CELSR1: variants seen among roughly 807,000 people sequenced by gnomAD.
CELSR1 encodes the protein adhesion G protein-coupled receptor C1.
Under a neutral mutation model 249.1 loss-of-function variants are expected in CELSR1, and 110 were observed. The ratio of observed to expected loss-of-function variants is 0.44; its 90% CI spans 0.38 to 0.52. CELSR1 has a LOEUF of 0.52. CELSR1 is among the 20% of genes least tolerant of loss of function. CELSR1 has a pLI of 0.00. For synonymous variants in CELSR1, 2,113 were observed against 1,900.0 expected, an observed-to-expected ratio of 1.11 and a Z score of -2.92; for missense variants, 4,109 against 4,296.4, an observed-to-expected ratio of 0.96 and a Z score of 1.22.
At chr22:46,522,923 G>A (rs983178428) in intron 1 of CELSR1, among the ~76,000 whole-genome samples, 3 of 152,238 alleles carry the variant, frequency 2.0e-5, no homozygotes, top group Admixed American at 6.5e-5. Context: ...CCTGCTCAGC[G>A]GGCCCATGCC....
Position 46,412,366 on chromosome 22 carries a change from C to T in CELSR1, c.4612-607G>A, listed in dbSNP as rs2079347830. ...CAGCCAACACCCAAGTCCTGGGGCC[C>T]CTCCTGTGAACACCCGCTTCTGCTC... On this transcript the variant is annotated intron_variant, in intron 5 of 34. Transcript: ENST00000674500. The surrounding 1 kb of genome is among the most constrained non-coding windows in gnomAD (Gnocchi z 4.5). Among the ~76,000 whole-genome samples, 1 of 152,150 alleles carries T rather than the reference C, an allele frequency of 6.6e-6. No homozygotes were observed. Among genetic ancestry groups the T allele is most frequent in the Non-Finnish European group, 1.5e-5 (1 of 68,032 alleles).
intron 2 of CELSR1, among the ~76,000 whole-genome samples, chr22:46,459,739 G>A (rs1173655251): frequency 6.6e-6 from 1 of 152,140 alleles, no homozygotes; most frequent in Non-Finnish European, 1.5e-5. Flanking sequence ...TGTCCCTGGG[G>A]GCAAAATCAC....
In CELSR1 at chr22:46,534,876, G is replaced by A. The variant is rs146551285; in HGVS notation, c.2295C>T (p.Ser765=). 3.1e-4 allele frequency: 500 copies of A among 1,612,590 alleles called. 3 individuals are homozygous for A. In the African/African-American group the frequency reaches 5.8e-3, roughly 19 times the overall value. Residue 765 remains serine, a synonymous_variant, in exon 1 of 35, where the codon TCC becomes TCT. Transcript: ENST00000674500. This position sits in a 1 kb window ranked among gnomAD's most constrained non-coding sequence, Gnocchi z 9.7. ...EQQYVLAVTA[S]DGTRSHTAHV... The stretch of plus-strand genomic sequence containing the variant: ...GCGCAGTGTGCGACCGTGTGCCGTC[G>A]GATGCTGTCACCGCCAGCACGTACT...
At position 46,445,138 on chromosome 22, in the gene CELSR1, G is replaced by T. The variant is rs1432010848; in HGVS notation, c.4184-5727C>A. ...TTGAACCCAGGAGGCGGAGTTTGCA[G>T]TGAGCCAAGATCACACCACCATAGT... On this transcript the variant is annotated intron_variant, in intron 2 of 34. Transcript: ENST00000674500. This position sits in a 1 kb window ranked among gnomAD's most constrained non-coding sequence, Gnocchi z 4.4. 1.3e-5 allele frequency among the ~76,000 whole-genome samples: 2 copies of T among 152,050 alleles called. No homozygotes were observed. Among genetic ancestry groups the T allele is most frequent in the Non-Finnish European group, 2.9e-5 (2 of 68,006 alleles).
At position 46,500,819 on chromosome 22, in the gene CELSR1, T is replaced by TGC. The variant is rs1398444658; in HGVS notation, c.3544+32806_3544+32807dup. Reference sequence around the variant, plus strand: ...CCAGCAGCAGGTCAGGCCACTACATTGCGTCTCTCAGGCTCAGAACATCCC... The same window carrying TGC: ...CCAGCAGCAGGTCAGGCCACTACATTGCGCGTCTCTCAGGCTCAGAACATCCC... On this transcript the variant is annotated intron_variant, in intron 1 of 34. Coordinates refer to ENST00000674500, the MANE Select transcript of CELSR1 (RefSeq NM_001378328.1). This position sits in a 1 kb window ranked among gnomAD's most constrained non-coding sequence, Gnocchi z 4.9. 6.6e-6 allele frequency among the ~76,000 whole-genome samples: 1 copy of TGC among 152,074 alleles called. No individual in the cohort carries two copies. The highest frequency in any genetic ancestry group is 1.9e-4 in the East Asian group (1 of 5,194).
At position 46,527,426 on chromosome 22, in the gene CELSR1, G is replaced by A. The variant is rs1479296981; in HGVS notation, c.3544+6201C>T. 3.3e-5 allele frequency among the ~76,000 whole-genome samples: 5 copies of A among 152,114 alleles called. No individual in the cohort carries two copies. The highest frequency in any genetic ancestry group is 6.6e-5 in the Admixed American group (1 of 15,264). ...CTCTCTCGACCCGGGGGATCCATCT[G>A]ACTCCCGGTCTCCCTGCCCATCACA... On this transcript the variant is annotated intron_variant, in intron 1 of 34. Coordinates refer to ENST00000674500, the MANE Select transcript of CELSR1 (RefSeq NM_001378328.1). This position sits in a 1 kb window ranked among gnomAD's most constrained non-coding sequence, Gnocchi z 5.5.
chr22:46,389,196 G>A (rs750486066), intron 18 of CELSR1, 94 bp downstream of exon 18: 37 of 1,340,460 alleles, frequency 2.8e-5, no homozygotes, highest in Admixed American at 1.1e-4. Flanking sequence ...CGTCTTCCAC[G>A]AACTGAGGTA....
At chr22:46,466,945 G>C (rs1440222340) in intron 1 of CELSR1, among the ~76,000 whole-genome samples, 3 of 152,302 alleles carry the variant, frequency 2.0e-5, no homozygotes, top group Non-Finnish European at 4.4e-5. Flanking sequence ...GACGCAGCAA[G>C]AAGGCACTGT....
At chr22:46,378,746 G>T (rs747875287) in intron 22 of CELSR1, 29 bp from the exon 23 acceptor site, 1 of 1,602,194 alleles carries the variant, frequency 6.2e-7, no homozygotes, top group South Asian at 1.1e-5. Flanking sequence ...AGGGGCAGGG[G>T]TAAGACGGTT....
chr22:46,536,318 C>G lies in CELSR1; in HGVS notation c.853G>C (p.Glu285Gln). 1 of 1,612,862 alleles carries G rather than the reference C, an allele frequency of 6.2e-7. No homozygotes were observed. Among genetic ancestry groups the G allele is most frequent in the South Asian group, 1.1e-5 (1 of 91,088 alleles). Residue 285 changes from glutamate to glutamine, a missense_variant, in exon 1 of 35, where the codon GAG becomes CAG. Physicochemically the swap from Glu to Gln is conservative, Grantham distance 29 (BLOSUM62 2). Coordinates refer to ENST00000674500, the MANE Select transcript of CELSR1 (RefSeq NM_001378328.1). ...CGGGAGCGCTCGTCGAACAGCCCCT[C>G]CATGTAATAGCTCACGCGCTCCTCC... ...GEEERVSYYM[E>Q]GLFDERSRGY...
chr22:46,528,008 G>T (rs1191316463), intron 1 of CELSR1, among the ~76,000 whole-genome samples: 2 of 150,882 alleles, frequency 1.3e-5, no homozygotes, highest in Non-Finnish European at 2.9e-5. Context: ...GGCAGCTGAG[G>T]CAGGAGAATC....
At chr22:46,520,394 G>A (rs1167529549) in intron 1 of CELSR1, among the ~76,000 whole-genome samples, 1 of 140,366 alleles carries the variant, frequency 7.1e-6, no homozygotes, top group Non-Finnish European at 1.6e-5. Context: ...GTCTGCAACA[G>A]TTTGCATTAG....
chr22:46,388,781 C>T lies in CELSR1; in HGVS notation c.6555+509G>A, dbSNP rs149555014. Among the ~76,000 whole-genome samples, 368 of 152,360 alleles carry T rather than the reference C, an allele frequency of 2.4e-3. 1 individual carries two copies. Among genetic ancestry groups the T allele is most frequent in the African/African-American group, 8.4e-3 (350 of 41,580 alleles). On this transcript the variant is annotated intron_variant, in intron 18 of 34. Transcript: ENST00000674500. ...CTCAGGGGATGACAACTTCCACACA[C>T]ACAGCCAGAGGGTTGAGGCGGAGGT... is the stretch of plus-strand genomic sequence containing the variant.
intron 5 of CELSR1, among the ~76,000 whole-genome samples, chr22:46,426,153 GGCTGAGTGAAGCT>G (rs2079535947): frequency 1.0e-5 from 1 of 97,602 alleles, no homozygotes; most frequent in African/African-American, 6.0e-5. Flanking sequence ...CCGGGGAGGG[GGCTGAGTGAAGCT>G]GCAGCCTGGT....
chr22:46,383,814 G>A (rs1484239703), intron 20 of CELSR1, among the ~76,000 whole-genome samples: 2 of 152,210 alleles, frequency 1.3e-5, no homozygotes, highest in East Asian at 3.8e-4. Flanking sequence ...TTACAGGCAT[G>A]AGCCACTGCG....
chr22:46,478,793 C>T (rs1406040115), intron 1 of CELSR1, among the ~76,000 whole-genome samples: 1 of 151,422 alleles, frequency 6.6e-6, no homozygotes, highest in Non-Finnish European at 1.5e-5. Context: ...ACCTTGTGAT[C>T]TGTCCGCCTC....
In CELSR1 at chr22:46,412,339, T is replaced by C. The variant is rs1236632154; in HGVS notation, c.4612-580A>G. On this transcript the variant is annotated intron_variant, in intron 5 of 34. Transcript: ENST00000674500. This position sits in a 1 kb window ranked among gnomAD's most constrained non-coding sequence, Gnocchi z 4.5. Reference sequence around the variant, plus strand: ...TGATGGTGGCCCCAGGAAATGAAGTTGCAGCCAACACCCAAGTCCTGGGGC... The same window carrying C: ...TGATGGTGGCCCCAGGAAATGAAGTCGCAGCCAACACCCAAGTCCTGGGGC... Among the ~76,000 whole-genome samples, 1 of 152,116 alleles carries C rather than the reference T, an allele frequency of 6.6e-6. No homozygotes were observed. The highest frequency in any genetic ancestry group is 1.5e-5 in the Non-Finnish European group (1 of 68,020).
chr22:46,525,114 C>G (rs2080725912), intron 1 of CELSR1, among the ~76,000 whole-genome samples: 1 of 152,182 alleles, frequency 6.6e-6, no homozygotes, highest in African/African-American at 2.4e-5. Context: ...TGAATTTCCT[C>G]CCAAAACAAG....
intron 1 of CELSR1, among the ~76,000 whole-genome samples, chr22:46,495,001 C>A (rs1381853983): frequency 6.6e-6 from 1 of 152,194 alleles, no homozygotes; most frequent in Non-Finnish European, 1.5e-5. Context: ...CTGAGAAATG[C>A]GTTGTTAGAT....
Sources: allele counts gnomAD v4.1 joint callset (sites outside exome capture counted in the v4.1 genomes callset), GRCh38; gene constraint gnomAD v4.1.1; non-coding constraint Gnocchi (gnomAD v3.1); transcripts MANE v1.5; gene names NCBI Gene and HGNC (gene_info 2026-07-23, HGNC 2026-07-21).